SNX29: variants seen among roughly 807,000 people sequenced by gnomAD.
The protein encoded by SNX29 is sorting nexin 29.
SNX29 carries 78 observed loss-of-function variants against 102.1 expected under a neutral mutation model. The observed-to-expected ratio is 0.76, with a 90% CI of 0.64 to 0.92. The LOEUF (loss-of-function observed/expected upper bound fraction) is 0.92. SNX29 is among the 40% of genes least tolerant of loss of function. SNX29 has a pLI of 0.00. For missense variants in SNX29, 1,280 were observed against 1,061.7 expected, an observed-to-expected ratio of 1.21 and a Z score of -2.86; for synonymous variants, 580 against 414.5, an observed-to-expected ratio of 1.40 and a Z score of -4.85.
At chr16:12,342,224 C>G (rs950848628) in intron 15 of SNX29, among the ~76,000 whole-genome samples, 24 of 152,174 alleles carry the variant, frequency 1.6e-4, no homozygotes, top group African/African-American at 5.3e-4. Flanking sequence ...GTTTTATTGC[C>G]TGTTGCCCTC....
chr16:12,346,614 C>T (rs978343841), intron 15 of SNX29, among the ~76,000 whole-genome samples: 4 of 152,230 alleles, frequency 2.6e-5, no homozygotes, highest in African/African-American at 9.6e-5. Flanking sequence ...CTTAAAGACC[C>T]TCACAGCTGC....
chr16:12,513,928 C>T (rs1229143087), intron 19 of SNX29, among the ~76,000 whole-genome samples: 1 of 152,194 alleles, frequency 6.6e-6, no homozygotes, highest in Non-Finnish European at 1.5e-5. Flanking sequence ...CGTCAGCTTC[C>T]CAATTAGCAA....
At chr16:12,560,605 A>G (rs2078669804) in intron 20 of SNX29, among the ~76,000 whole-genome samples, 2 of 152,168 alleles carry the variant, frequency 1.3e-5, no homozygotes, top group South Asian at 4.1e-4. Context: ...ATAAAGCAGC[A>G]AGCAACAGCT....
chr16:12,566,042 G>C (rs190505157), intron 20 of SNX29, among the ~76,000 whole-genome samples: 86 of 152,336 alleles, frequency 5.6e-4, no homozygotes, highest in African/African-American at 1.9e-3. Flanking sequence ...TCATGTGTTT[G>C]AATGTTCACT....
chr16:12,040,807 A>G (rs1023610146), intron 4 of SNX29, among the ~76,000 whole-genome samples: 4 of 152,246 alleles, frequency 2.6e-5, no homozygotes, highest in Non-Finnish European at 5.9e-5. Flanking sequence ...ATATGTATGC[A>G]TATACACTCA....
chr16:12,253,191 G>A (rs373485294), intron 14 of SNX29, among the ~76,000 whole-genome samples: 2 of 152,162 alleles, frequency 1.3e-5, no homozygotes, highest in Non-Finnish European at 2.9e-5. Context: ...ACAGTCATTC[G>A]GGCCATTACC....
At chr16:12,272,268 C>T (rs2079113336) in intron 14 of SNX29, among the ~76,000 whole-genome samples, 1 of 152,110 alleles carries the variant, frequency 6.6e-6, no homozygotes, top group South Asian at 2.1e-4. Context: ...GGACAGGAGG[C>T]CAGTGGCGTG....
chr16:12,487,754 G>A (rs1024919356), intron 19 of SNX29, among the ~76,000 whole-genome samples: 29 of 152,154 alleles, frequency 1.9e-4, no homozygotes, highest in Admixed American at 2.0e-4. Context: ...AACTGCTAGG[G>A]CTCCACAGAG....
At chr16:12,078,325 A>G (rs911595842) in intron 10 of SNX29, among the ~76,000 whole-genome samples, 15 of 152,086 alleles carry the variant, frequency 9.9e-5, no homozygotes, top group African/African-American at 3.6e-4. Flanking sequence ...AAATACAAGA[A>G]TTAGTCGGGT....
chr16:12,466,752 G>C (rs551687483), intron 18 of SNX29, among the ~76,000 whole-genome samples: 2 of 152,144 alleles, frequency 1.3e-5, no homozygotes, highest in East Asian at 3.9e-4. Flanking sequence ...CAGCAGTTGG[G>C]ACTGAAAGAG....
chr16:12,233,829 C>T (rs2077842960), intron 14 of SNX29, among the ~76,000 whole-genome samples: 1 of 152,138 alleles, frequency 6.6e-6, no homozygotes, highest in Non-Finnish European at 1.5e-5. Flanking sequence ...CTGTTCTGGA[C>T]ACTTCATATC....
At position 12,003,162 on chromosome 16, in the gene SNX29, T is replaced by G. The variant is rs1023352627; in HGVS notation, c.122+119T>G. On this transcript the variant is annotated intron_variant, in intron 3 of 20. Coordinates refer to ENST00000566228, the MANE Select transcript of SNX29 (RefSeq NM_032167.5). ...AAGGCGGCAGAAGGCGGCTGGCTTC[T>G]GGGCTCTGCCTCTGCAGCCAAGAGG... The G allele has an allele frequency of 1.2e-5, 15 of 1,260,942 alleles. No individual in the cohort carries two copies. In the African/African-American group the frequency reaches 2.1e-4, roughly 17 times the overall value. The allele number at this position is 1,260,942 out of a possible 1,614,324, so 78.1% of individuals were successfully genotyped here. A position where few individuals can be genotyped will look rare whatever the true frequency, so the allele number is the denominator to read the frequency against.
At chr16:12,532,741 A>T (rs1249353299) in intron 20 of SNX29, among the ~76,000 whole-genome samples, 1 of 152,054 alleles carries the variant, frequency 6.6e-6, no homozygotes, top group Non-Finnish European at 1.5e-5. Context: ...TTGGCCTTGG[A>T]TGGAAGCTGG....
chr16:12,347,915 A>C (rs1239443662), intron 15 of SNX29, among the ~76,000 whole-genome samples: 2 of 29,966 alleles, frequency 6.7e-5, no homozygotes, highest in African/African-American at 2.4e-4. Flanking sequence ...CTGTCTTTAC[A>C]AAAAAAAAAA....
chr16:12,391,886 T>G (rs2083543493), intron 16 of SNX29, among the ~76,000 whole-genome samples: 1 of 152,206 alleles, frequency 6.6e-6, no homozygotes, highest in African/African-American at 2.4e-5. Context: ...GCGTGATTGT[T>G]ACGTTGATTT....
At chr16:12,400,704 T>C (rs1567524991) in intron 17 of SNX29, among the ~76,000 whole-genome samples, 1 of 152,250 alleles carries the variant, frequency 6.6e-6, no homozygotes, top group Non-Finnish European at 1.5e-5. Flanking sequence ...GTAACAACTA[T>C]TGGCATATAT....
chr16:12,239,719 C>T (rs981524584), intron 14 of SNX29, among the ~76,000 whole-genome samples: 3 of 149,164 alleles, frequency 2.0e-5, no homozygotes, highest in Non-Finnish European at 3.0e-5. Context: ...ACTCGGGAGG[C>T]TGAGGCAGGA....
chr16:12,548,593 G>C (rs922100321), intron 20 of SNX29, among the ~76,000 whole-genome samples: 1 of 152,164 alleles, frequency 6.6e-6, no homozygotes, highest in Non-Finnish European at 1.5e-5. Context: ...TCCCACTCCA[G>C]GCCCGGGTAC....
At chr16:12,000,921 T>C (rs764020588) in intron 2 of SNX29, among the ~76,000 whole-genome samples, 4 of 152,244 alleles carry the variant, frequency 2.6e-5, no homozygotes, top group Admixed American at 2.0e-4. Context: ...GCTGAGGGAA[T>C]TGGATTGTTA....
Sources: allele counts gnomAD v4.1 joint callset (sites outside exome capture counted in the v4.1 genomes callset), GRCh38; gene constraint gnomAD v4.1.1; transcripts MANE v1.5; gene names NCBI Gene and HGNC (gene_info 2026-07-23, HGNC 2026-07-21).